GRIK4: variants seen among roughly 807,000 people sequenced by gnomAD.
The protein encoded by GRIK4 is glutamate ionotropic receptor kainate type subunit 4, also known as glutamate receptor ionotropic, kainate 4.
A neutral mutation model predicts 104.9 loss-of-function variants in GRIK4; 40 were observed. The observed-to-expected ratio is 0.38, with a 90% CI of 0.30 to 0.50. The LOEUF (loss-of-function observed/expected upper bound fraction) is 0.50. GRIK4 is among the 20% of genes least tolerant of loss of function. The probability of loss-of-function intolerance (pLI) is 0.93; values close to 1 mark genes in which losing one functional copy is unlikely to be tolerated. For missense variants in GRIK4, 1,047 were observed against 1,308.1 expected (o/e 0.80, Z 3.08); for synonymous variants, 485 against 524.9 (o/e 0.92, Z 1.04).
intron 11 of GRIK4, among the ~76,000 whole-genome samples, chr11:120,891,060 A>G (rs899484241): frequency 6.6e-6 from 1 of 152,212 alleles, no homozygotes; most frequent in African/African-American, 2.4e-5. Flanking sequence ...CCTACTTGAG[A>G]GGGAACAAAG....
At position 120,903,450 on chromosome 11, in the gene GRIK4, G is replaced by A. The variant is rs1000984449; in HGVS notation, c.1273-1840G>A. On this transcript the variant is annotated intron_variant, in intron 12 of 20. Coordinates refer to ENST00000527524, the MANE Select transcript of GRIK4 (RefSeq NM_014619.5). The surrounding 1 kb of genome is among the most constrained non-coding windows in gnomAD (Gnocchi z 4.4). ...CAGGCTCAGGCCTCAACCTCACCCCGCCCCACCCTGCCTCCACCCTGCACT... is the reference window on the plus strand; with the variant it reads ...CAGGCTCAGGCCTCAACCTCACCCCACCCCACCCTGCCTCCACCCTGCACT... Among the ~76,000 whole-genome samples, 10 of 151,370 alleles carry A rather than the reference G, an allele frequency of 6.6e-5. No individual in the cohort carries two copies. The highest frequency in any genetic ancestry group is 9.7e-5 in the African/African-American group (4 of 41,148).
At chr11:120,562,001 TATC>T (rs949668375) in intron 1 of GRIK4, among the ~76,000 whole-genome samples, 17 of 152,298 alleles carry the variant, frequency 1.1e-4, no homozygotes, top group African/African-American at 4.1e-4. Flanking sequence ...TTCTTCCTCT[TATC>T]ATTCATTAGC....
rs568472584 is a variant in GRIK4 at position 120,599,180 on chromosome 11, G to A, written c.-158-54505G>A. On this transcript the variant is annotated intron_variant, in intron 1 of 20. Transcript: ENST00000527524. ...ATGCCTCATTTTGTTTGTTTGATGC[G>A]TGTGTTGCTGTTTTTTAAACACGCA... 7.2e-5 allele frequency among the ~76,000 whole-genome samples: 11 copies of A among 152,352 alleles called. No homozygotes were observed. In the East Asian group the frequency reaches 1.3e-3, roughly 19 times the overall value.
intron 7 of GRIK4, among the ~76,000 whole-genome samples, chr11:120,835,958 G>T (rs577142312): frequency 1.3e-5 from 2 of 152,288 alleles, no homozygotes; most frequent in South Asian, 4.2e-4. Flanking sequence ...CATGCCACAG[G>T]CAACTGATTC....
At chr11:120,772,009 C>T (rs1047246094) in intron 3 of GRIK4, among the ~76,000 whole-genome samples, 2 of 152,194 alleles carry the variant, frequency 1.3e-5, no homozygotes, top group Non-Finnish European at 2.9e-5. Context: ...TGACTTCAAC[C>T]TCTGAGGGCT....
intron 14 of GRIK4, among the ~76,000 whole-genome samples, chr11:120,943,985 A>G (rs1363661134): frequency 1.3e-5 from 2 of 152,148 alleles, no homozygotes; most frequent in African/African-American, 4.8e-5. Flanking sequence ...TCTTCCTAAC[A>G]CTGGGTATAA....
chr11:120,853,940 A>G (rs1954039124), intron 8 of GRIK4, among the ~76,000 whole-genome samples: 2 of 152,152 alleles, frequency 1.3e-5, no homozygotes, highest in African/African-American at 4.8e-5. Flanking sequence ...TTTGCCAAGG[A>G]CCTGGATCTT....
At chr11:120,714,447 T>C (rs1950791397) in intron 3 of GRIK4, among the ~76,000 whole-genome samples, 1 of 152,244 alleles carries the variant, frequency 6.6e-6, no homozygotes, top group South Asian at 2.1e-4. Context: ...TGCCAGGCAC[T>C]GAGCCATGTG....
intron 3 of GRIK4, among the ~76,000 whole-genome samples, chr11:120,745,900 T>C (rs1029734334): frequency 1.4e-4 from 21 of 152,132 alleles, no homozygotes; most frequent in Admixed American, 5.9e-4. Context: ...CCTCAGCTAG[T>C]GATAATAGCA....
At chr11:120,554,565 CTT>C (rs547467947) in intron 1 of GRIK4, among the ~76,000 whole-genome samples, 2 of 146,048 alleles carry the variant, frequency 1.4e-5, no homozygotes, top group Non-Finnish European at 1.5e-5. Context: ...TTTTCTTTTT[CTT>C]TTTTTTTTTG....
At chr11:120,925,560 G>A (rs958333518) in intron 13 of GRIK4, among the ~76,000 whole-genome samples, 3 of 152,220 alleles carry the variant, frequency 2.0e-5, no homozygotes, top group African/African-American at 7.2e-5. Context: ...AGGGATGGGA[G>A]ACAGGCAGAA....
chr11:120,725,481 C>T (rs1471733947), intron 3 of GRIK4, among the ~76,000 whole-genome samples: 2 of 152,172 alleles, frequency 1.3e-5, no homozygotes, highest in South Asian at 2.1e-4. Flanking sequence ...TCAAATCCAT[C>T]TCCCTGACCA....
rs35714376 is a variant in GRIK4 at position 120,720,978 on chromosome 11, TATTCATTC to T, written c.82+60605_82+60612del. ...AGCTGGATGAGTTTGTTCATTCACGTATTCATTCATTCATTCATTCATTCATTCATTCA... is the reference window on the plus strand; with the variant it reads ...AGCTGGATGAGTTTGTTCATTCACGTATTCATTCATTCATTCATTCATTCA... On this transcript the variant is annotated intron_variant, in intron 3 of 20. Coordinates refer to ENST00000527524, the MANE Select transcript of GRIK4 (RefSeq NM_014619.5). Among the ~76,000 whole-genome samples, 1,286 of 150,698 alleles carry T rather than the reference TATTCATTC, an allele frequency of 8.5e-3. 13 individuals are homozygous for T. The highest frequency in any genetic ancestry group is 0.029 in the African/African-American group (1,175 of 41,020).
intron 1 of GRIK4, among the ~76,000 whole-genome samples, chr11:120,532,431 A>G (rs886793471): frequency 1.3e-5 from 2 of 152,224 alleles, no homozygotes; most frequent in African/African-American, 4.8e-5. Context: ...AAGTCCTCTC[A>G]GAGGGGGAGA....
chr11:120,791,378 CG>C (rs1171304934), intron 3 of GRIK4, among the ~76,000 whole-genome samples: 1 of 152,208 alleles, frequency 6.6e-6, no homozygotes, highest in African/African-American at 2.4e-5. Context: ...CATATTTTCA[CG>C]TGCTTACTTG....
At chr11:120,965,818 G>A (rs1040825886) in intron 18 of GRIK4, among the ~76,000 whole-genome samples, 10 of 152,170 alleles carry the variant, frequency 6.6e-5, no homozygotes, top group Non-Finnish European at 1.2e-4. Context: ...GCAGTTCAGC[G>A]AAATCCCCAG....
At chr11:120,859,309 A>G (rs1201426431) in intron 8 of GRIK4, 1 of 152,162 alleles carries the variant, frequency 6.6e-6, no homozygotes, top group Non-Finnish European at 1.5e-5. Flanking sequence ...AAGGTTGCTA[A>G]TATTGTTTCT....
chr11:120,590,971 C>T (rs975010382), intron 1 of GRIK4, among the ~76,000 whole-genome samples: 1 of 152,088 alleles, frequency 6.6e-6, no homozygotes, highest in Non-Finnish European at 1.5e-5. Flanking sequence ...AGGCCCAGGA[C>T]ACTCCCAAAT....
chr11:120,971,914 C>G (rs946080812), intron 19 of GRIK4, among the ~76,000 whole-genome samples: 2 of 152,160 alleles, frequency 1.3e-5, no homozygotes, highest in Non-Finnish European at 2.9e-5. Context: ...TGGACTGCAA[C>G]CAATCTGTCT....
Sources: allele counts gnomAD v4.1 joint callset (sites outside exome capture counted in the v4.1 genomes callset), GRCh38; gene constraint gnomAD v4.1.1; non-coding constraint Gnocchi (gnomAD v3.1); transcripts MANE v1.5; gene names NCBI Gene and HGNC (gene_info 2026-07-23, HGNC 2026-07-21).